The following EPHA6 variants were observed in gnomAD, a reference collection of about 807,000 sequenced individuals.
The protein encoded by EPHA6 is ephrin type-A receptor 6.
In EPHA6, 50 loss-of-function variants were observed where a neutral mutation model predicts 112.0. That is an observed-to-expected ratio of 0.45 (90% CI 0.36 to 0.56). EPHA6 has a LOEUF of 0.56. Ranked by LOEUF, EPHA6 falls within the 20% of genes least tolerant of loss-of-function variation. EPHA6 has a pLI of 0.00. For synonymous variants in EPHA6, 529 were observed against 490.7 expected, an observed-to-expected ratio of 1.08 and a Z score of -1.03; for missense variants, 1,280 against 1,417.4, an observed-to-expected ratio of 0.90 and a Z score of 1.56.
At chr3:97,673,706 A>G (rs1485109736) in intron 14 of EPHA6, among the ~76,000 whole-genome samples, 1 of 152,200 alleles carries the variant, frequency 6.6e-6, no homozygotes, top group Non-Finnish European at 1.5e-5. Context: ...CCATTGACCA[A>G]GTCCATCTTT....
chr3:97,350,393 C>T (rs1405769138), intron 5 of EPHA6, among the ~76,000 whole-genome samples: 2 of 152,082 alleles, frequency 1.3e-5, no homozygotes, highest in Admixed American at 1.3e-4. Context: ...AAAAGACCTA[C>T]CCAATGCATT....
chr3:97,498,022 A>G (rs1272967085), intron 10 of EPHA6, among the ~76,000 whole-genome samples: 1 of 152,062 alleles, frequency 6.6e-6, no homozygotes, highest in Non-Finnish European at 1.5e-5. Flanking sequence ...AAACAAACAA[A>G]CAAACAAAAA....
chr3:97,113,613 A>G (rs1014675104), intron 3 of EPHA6, among the ~76,000 whole-genome samples: 1 of 152,114 alleles, frequency 6.6e-6, no homozygotes, highest in Non-Finnish European at 1.5e-5. Flanking sequence ...TGCATCCCCA[A>G]AGGGAGAACT....
At chr3:96,876,314 C>G (rs2036946752) in intron 2 of EPHA6, among the ~76,000 whole-genome samples, 1 of 151,570 alleles carries the variant, frequency 6.6e-6, no homozygotes, top group South Asian at 2.1e-4. Context: ...ACTACCAAAT[C>G]CTATTGATTC....
chr3:97,098,868 C>G (rs540341252), intron 3 of EPHA6, among the ~76,000 whole-genome samples: 1 of 151,828 alleles, frequency 6.6e-6, no homozygotes, highest in Non-Finnish European at 1.5e-5. Context: ...TTGGTGGGTT[C>G]TGCTGTCAGC....
intron 11 of EPHA6, among the ~76,000 whole-genome samples, chr3:97,545,513 G>A (rs1000820619): frequency 3.9e-5 from 6 of 152,122 alleles, no homozygotes; most frequent in South Asian, 2.1e-4. Flanking sequence ...AATAGGTGTC[G>A]TGTGGTGCTG....
At chr3:97,721,724 G>A (rs2034538198) in intron 15 of EPHA6, among the ~76,000 whole-genome samples, 1 of 152,208 alleles carries the variant, frequency 6.6e-6, no homozygotes, top group South Asian at 2.1e-4. Flanking sequence ...CCTACAGTCT[G>A]CTATTCATCA....
In EPHA6 at chr3:97,448,218, C is replaced by G. The variant is rs573061459; in HGVS notation, c.1732-350C>G. On this transcript the variant is annotated intron_variant, in intron 6 of 17. Transcript: ENST00000389672. ...TTCTCCCACCTTTGCTCCTTGCACT[C>G]TGCTGGTGTGCCCATTTTGCTCAAG... Among the ~76,000 whole-genome samples the G allele has an allele frequency of 2.6e-5, 4 of 152,282 alleles. No homozygotes were observed. The East Asian group carries it at 7.7e-4, about 29-fold the overall frequency.
chr3:97,211,890 G>T lies in EPHA6; in HGVS notation c.1115-14374G>T, dbSNP rs2077886520. ...TTTATTTACTTTGTAGTTAATTTTTGTAAGAATAACCAAAATATTATATGC... is the reference window on the plus strand; with the variant it reads ...TTTATTTACTTTGTAGTTAATTTTTTTAAGAATAACCAAAATATTATATGC... On this transcript the variant is annotated intron_variant, in intron 3 of 17. Coordinates refer to ENST00000389672, the MANE Select transcript of EPHA6 (RefSeq NM_001080448.3). Among the ~76,000 whole-genome samples, 4 of 152,094 alleles carry T rather than the reference G, an allele frequency of 2.6e-5. No homozygotes were observed. The South Asian group carries it at 8.3e-4, about 32-fold the overall frequency.
chr3:96,830,975 G>GTA lies in EPHA6; in HGVS notation c.385+15976_385+15977dup, dbSNP rs994816743. 3.6e-4 allele frequency among the ~76,000 whole-genome samples: 54 copies of GTA among 151,794 alleles called. 1 individual carries two copies. In the Middle Eastern group the frequency reaches 0.027, roughly 76 times the overall value. On this transcript the variant is annotated intron_variant, in intron 1 of 17. Coordinates refer to ENST00000389672, the MANE Select transcript of EPHA6 (RefSeq NM_001080448.3). The stretch of plus-strand genomic sequence containing the variant: ...TACATTTAACCATTCCATTTTATAT[G>GTA]TATATATATACACACACACACATAT...
chr3:97,316,785 CA>C (rs2081862471), intron 5 of EPHA6, among the ~76,000 whole-genome samples: 1 of 151,680 alleles, frequency 6.6e-6, no homozygotes, highest in Non-Finnish European at 1.5e-5. Flanking sequence ...GAGAATTTCC[CA>C]AACATTTTGG....
chr3:97,082,629 C>T (rs1043910132), intron 3 of EPHA6, among the ~76,000 whole-genome samples: 3 of 151,756 alleles, frequency 2.0e-5, no homozygotes, highest in East Asian at 3.9e-4. Flanking sequence ...TTGACTTTCA[C>T]GTTAGTATAA....
intron 2 of EPHA6, among the ~76,000 whole-genome samples, chr3:96,984,027 T>A (rs1421410517): frequency 6.6e-6 from 1 of 152,156 alleles, no homozygotes; most frequent in East Asian, 1.9e-4. Context: ...AGAAGTTTGA[T>A]TATCTGAAGC....
chr3:97,276,075 AGTT>A (rs1428407194), intron 5 of EPHA6, among the ~76,000 whole-genome samples: 1 of 152,154 alleles, frequency 6.6e-6, no homozygotes, highest in Non-Finnish European at 1.5e-5. Flanking sequence ...TACCCACAAC[AGTT>A]ATGGAGGCAA....
At chr3:97,388,266 T>C (rs1419800849) in intron 5 of EPHA6, among the ~76,000 whole-genome samples, 1 of 152,198 alleles carries the variant, frequency 6.6e-6, no homozygotes, top group African/African-American at 2.4e-5. Flanking sequence ...GCCACTAGCA[T>C]TGAAACCATG....
intron 14 of EPHA6, among the ~76,000 whole-genome samples, chr3:97,675,840 TA>T (rs1434245934): frequency 2.0e-5 from 3 of 152,192 alleles, no homozygotes; most frequent in Non-Finnish European, 4.4e-5. Context: ...TTGCAAATTC[TA>T]AAATGTATGC....
At chr3:97,079,719 T>C (rs2046659387) in intron 3 of EPHA6, among the ~76,000 whole-genome samples, 1 of 151,902 alleles carries the variant, frequency 6.6e-6, no homozygotes, top group Non-Finnish European at 1.5e-5. Context: ...ACAAAGAAAT[T>C]TTTCATGAAA....
chr3:97,004,667 G>C (rs796116920), intron 3 of EPHA6, among the ~76,000 whole-genome samples: 110 of 152,204 alleles, frequency 7.2e-4, no homozygotes, highest in African/African-American at 2.5e-3. Flanking sequence ...TATCAATTAT[G>C]GCTTTTGTTG....
intron 5 of EPHA6, among the ~76,000 whole-genome samples, chr3:97,328,008 T>C (rs1193515035): frequency 4.4e-4 from 60 of 135,632 alleles, no homozygotes; most frequent in African/African-American, 1.7e-3. Context: ...TATGTATATG[T>C]ATATGTGTAT....
Sources: gnomAD v4.1 joint callset for allele counts (sites outside exome capture counted in the v4.1 genomes callset) on GRCh38, gnomAD v4.1.1 for gene constraint, MANE v1.5 for transcripts, NCBI Gene and HGNC (gene_info 2026-07-23, HGNC 2026-07-21) for gene names.